Variants in DYNC2H1 observed in about 807,000 individuals in gnomAD.
DYNC2H1 encodes the protein dynein cytoplasmic 2 heavy chain 1, also known as cytoplasmic dynein 2 heavy chain 1.
Under a neutral mutation model 570.0 loss-of-function variants are expected in DYNC2H1, and 410 were observed. The ratio of observed to expected loss-of-function variants is 0.72; its 90% CI spans 0.66 to 0.78. The LOEUF is 0.78. DYNC2H1 is among the 30% of genes least tolerant of loss of function. The probability of loss-of-function intolerance (pLI) is 0.00; values close to 1 mark genes in which losing one functional copy is unlikely to be tolerated. For synonymous variants in DYNC2H1, 1,688 were observed against 1,677.6 expected, an observed-to-expected ratio of 1.01 and a Z score of -0.15; for missense variants, 4,865 against 5,046.4, an observed-to-expected ratio of 0.96 and a Z score of 1.09.
intron 59 of DYNC2H1, among the ~76,000 whole-genome samples, chr11:103,225,159 T>A (rs1863754224): frequency 6.6e-6 from 1 of 152,094 alleles, no homozygotes; most frequent in African/African-American, 2.4e-5. Flanking sequence ...TAGTCCTTTG[T>A]TGGATGTATA....
intron 75 of DYNC2H1, among the ~76,000 whole-genome samples, chr11:103,295,756 A>C (rs571338750): frequency 2.2e-4 from 34 of 152,280 alleles, no homozygotes; most frequent in Middle Eastern, 3.4e-3. Context: ...AATTTGATTA[A>C]CTGCCTTTGT....
chr11:103,309,382 A>C (rs1867466435), intron 78 of DYNC2H1, among the ~76,000 whole-genome samples: 1 of 146,900 alleles, frequency 6.8e-6, no homozygotes, highest in Non-Finnish European at 1.5e-5. Flanking sequence ...TTTTTGAGAG[A>C]CGAGGCCTAA....
chr11:103,289,408 A>G lies in DYNC2H1; in HGVS notation c.11095+1803A>G, dbSNP rs1866499392. Among the ~76,000 whole-genome samples, 1 of 152,240 alleles carries G rather than the reference A, an allele frequency of 6.6e-6. No homozygotes were observed. Among genetic ancestry groups the G allele is most frequent in the Non-Finnish European group, 1.5e-5 (1 of 68,048 alleles). The stretch of plus-strand genomic sequence containing the variant: ...ATGCAGGAATGAACAAGGTCAGCTT[A>G]AAGGCTAGAAGCAAGATGGAGTCGG... On this transcript the variant is annotated intron_variant, in intron 75 of 88. Transcript: ENST00000375735. This position sits in a 1 kb window ranked among gnomAD's most constrained non-coding sequence, Gnocchi z 4.2.
chr11:103,472,842 G>A lies in DYNC2H1; in HGVS notation c.12765+4137G>A, dbSNP rs1945430398. 6.6e-6 allele frequency among the ~76,000 whole-genome samples: 1 copy of A among 151,984 alleles called. No homozygotes were observed. Among genetic ancestry groups the A allele is most frequent in the African/African-American group, 2.4e-5 (1 of 41,364 alleles). ...AAACTTTTTTTTTACACCAGAAGGA[G>A]GTTATTTCACAAATTATTTTCACAA... On this transcript the variant is annotated intron_variant, in intron 88 of 88. Coordinates refer to ENST00000375735, the MANE Select transcript of DYNC2H1 (RefSeq NM_001377.3). The surrounding 1 kb of genome is among the most constrained non-coding windows in gnomAD (Gnocchi z 4.1).
At chr11:103,226,680 G>C (rs1212521054) in intron 59 of DYNC2H1, among the ~76,000 whole-genome samples, 1 of 151,978 alleles carries the variant, frequency 6.6e-6, no homozygotes, top group East Asian at 1.9e-4. Flanking sequence ...TTCTTATTTT[G>C]TTATGTCCTT....
Position 103,399,888 on chromosome 11 carries a change from CTG to C in DYNC2H1, c.12366+18_12366+19del, listed in dbSNP as rs1942567164. The C allele has an allele frequency of 6.3e-7, 1 of 1,593,458 alleles. No individual in the cohort carries two copies. The highest frequency in any genetic ancestry group is 8.6e-7 in the Non-Finnish European group (1 of 1,163,272). ...AAACCAAAAGGTAAGCGAGTACTAACTGTATGTATTTTTATTTCATTGTTATA... is the reference window on the plus strand; with the variant it reads ...AAACCAAAAGGTAAGCGAGTACTAACTATGTATTTTTATTTCATTGTTATA... On this transcript the variant is annotated intron_variant, in intron 84 of 88. Transcript: ENST00000375735.
rs777249058 is a variant in DYNC2H1, at chr11:103,220,650, G to A, written c.8974G>A (p.Val2992Ile). 2.5e-6 allele frequency: 4 copies of A among 1,610,664 alleles called. No homozygotes were observed. The South Asian group carries it at 4.4e-5, about 18-fold the overall frequency. The change falls in exon 57 of 89, where the codon GTT becomes ATT. Residue 2992 changes from valine (V) to isoleucine (I), a missense_variant. By Grantham distance (29) the Val-to-Ile change is conservative (BLOSUM62 3). Transcript: ENST00000375735. ...QPLVNEAKLAVGNIKPESLSE... is the reference protein window; with the variant it reads ...QPLVNEAKLAIGNIKPESLSE... The stretch of plus-strand genomic sequence containing the variant: ...TTTAGTCAATGAAGCTAAACTAGCA[G>A]TTGGAAACATTAAGCCCGAATCACT...
At chr11:103,386,493 GCTTT>G (rs1327999898) in intron 83 of DYNC2H1, among the ~76,000 whole-genome samples, 3 of 151,236 alleles carry the variant, frequency 2.0e-5, no homozygotes, top group Non-Finnish European at 4.4e-5. Flanking sequence ...TATCTTATTG[GCTTT>G]CTTTTTTTTA....
At chr11:103,250,966 A>G (rs1035965066) in intron 65 of DYNC2H1, among the ~76,000 whole-genome samples, 1 of 151,974 alleles carries the variant, frequency 6.6e-6, no homozygotes, top group African/African-American at 2.4e-5. Flanking sequence ...GTTATTTTTT[A>G]TAAATGTTCT....
Position 103,243,827 on chromosome 11 carries a change from A to G in DYNC2H1, c.9918+36A>G. ...TTTATAATTTACATACCAATTAGGA[A>G]TGACCTCTTATAGTGAAAAGATCTT... On this transcript the variant is annotated intron_variant, in intron 64 of 88. Transcript: ENST00000375735. This position sits in a 1 kb window ranked among gnomAD's most constrained non-coding sequence, Gnocchi z 4.8. The G allele has an allele frequency of 1.4e-6, 2 of 1,459,162 alleles. No homozygotes were observed. Among genetic ancestry groups the G allele is most frequent in the East Asian group, 2.5e-5 (1 of 40,554 alleles). 90.4% of individuals were successfully genotyped at this position (1,459,162 alleles called of 1,614,324 possible).
rs140380392 is a variant in DYNC2H1, at chr11:103,239,642, AGTGTGTGTGTGTGTGT to A, written c.9819+3124_9819+3139del. Among the ~76,000 whole-genome samples, 55 of 140,102 alleles carry A rather than the reference AGTGTGTGTGTGTGTGT, an allele frequency of 3.9e-4. No homozygotes were observed. Among genetic ancestry groups the A allele is most frequent in the African/African-American group, 1.4e-3 (53 of 37,890 alleles). The allele number at this position is 140,102 out of a possible 152,430, so 91.9% of individuals were successfully genotyped here. The stretch of plus-strand genomic sequence containing the variant: ...CTCCTGTCTATACACTTCTCATAGG[AGTGTGTGTGTGTGTGT>A]GTGTGTGTGTGTGTGTGTGTAACCT... On this transcript the variant is annotated intron_variant, in intron 63 of 88. Coordinates refer to ENST00000375735, the MANE Select transcript of DYNC2H1 (RefSeq NM_001377.3). The surrounding 1 kb of genome is among the most constrained non-coding windows in gnomAD (Gnocchi z 4.3).
In DYNC2H1 at chr11:103,228,323, G is replaced by A. The variant is rs1008737808; in HGVS notation, c.9354-2937G>A. On this transcript the variant is annotated intron_variant, in intron 59 of 88. Coordinates refer to ENST00000375735, the MANE Select transcript of DYNC2H1 (RefSeq NM_001377.3). This position sits in a 1 kb window ranked among gnomAD's most constrained non-coding sequence, Gnocchi z 6.1. Reference sequence around the variant, plus strand: ...CTTCTCATTTGGGTAGACTATGTCAGAGGGAAGATCTGGGATTCAAGTGCA... The same window carrying A: ...CTTCTCATTTGGGTAGACTATGTCAAAGGGAAGATCTGGGATTCAAGTGCA... Among the ~76,000 whole-genome samples, 4 of 152,218 alleles carry A rather than the reference G, an allele frequency of 2.6e-5. No individual in the cohort carries two copies. Among genetic ancestry groups the A allele is most frequent in the African/African-American group, 9.6e-5 (4 of 41,458 alleles).
chr11:103,174,055 G>T lies in DYNC2H1; in HGVS notation c.5559G>T (p.Arg1853Ser). The change falls in exon 36 of 89, where the codon AGG becomes AGT. Residue 1853 changes from arginine (R) to serine (S), a missense_variant and splice_region_variant. Physicochemically the swap from Arg to Ser is moderately radical, Grantham distance 110. Transcript: ENST00000375735. The stretch of plus-strand genomic sequence containing the variant: ...GTTGATTTCCATGTCTCTATTTCAG[G>T]GAACTTTTGACACCTCAGCAACATT... Reference protein sequence around the residue: ...RKLVAIFNLSRELLTPQQHYD... With the variant: ...RKLVAIFNLSSELLTPQQHYD... 6.3e-7 allele frequency: 1 copy of T among 1,575,398 alleles called. No individual in the cohort carries two copies. Among genetic ancestry groups the T allele is most frequent in the East Asian group, 2.3e-5 (1 of 43,484 alleles).
chr11:103,478,655 A>G (rs1945644902), intron 88 of DYNC2H1, among the ~76,000 whole-genome samples: 3 of 152,242 alleles, frequency 2.0e-5, no homozygotes, highest in Admixed American at 2.0e-4. Context: ...TTACAGATTT[A>G]GGAGACTTAA....
Position 103,254,825 on chromosome 11 carries a change from G to A in DYNC2H1, c.10207-590G>A, listed in dbSNP as rs1864982931. 6.6e-6 allele frequency among the ~76,000 whole-genome samples: 1 copy of A among 152,040 alleles called. No individual in the cohort carries two copies. Among genetic ancestry groups the A allele is most frequent in the Admixed American group, 6.6e-5 (1 of 15,256 alleles). ...CTGGCACTGTTGCCCAGGCTGGAGT[G>A]CAATGGCGCAATCTCGGCTCACTGT... On this transcript the variant is annotated intron_variant, in intron 66 of 88. Coordinates refer to ENST00000375735, the MANE Select transcript of DYNC2H1 (RefSeq NM_001377.3). This position sits in a 1 kb window ranked among gnomAD's most constrained non-coding sequence, Gnocchi z 4.9.
At chr11:103,339,626 T>TG (rs934944735) in intron 82 of DYNC2H1, among the ~76,000 whole-genome samples, 1 of 145,848 alleles carries the variant, frequency 6.9e-6, no homozygotes, top group Non-Finnish European at 1.5e-5. Flanking sequence ...CTGCGTTGCC[T>TG]GGAGTTGGGG....
intron 59 of DYNC2H1, 66 bp downstream of exon 59, chr11:103,223,152 AATT>A: frequency 2.2e-6 from 3 of 1,377,184 alleles, no homozygotes; most frequent in South Asian, 1.7e-5. Context: ...AGGTTTTAAT[AATT>A]ATTATTTTTA....
At position 103,109,491 on chromosome 11, in the gene DYNC2H1, A is replaced by T; in HGVS notation, c.-84A>T. ...GCGGTCGGGCTACGGGTTTGAGCAA[A>T]GCTCCTCTCTTCCCTTCACTTCCCT... On this transcript the variant is annotated 5_prime_UTR_variant, in exon 1 of 89. In the 5' UTR this introduces an upstream ATG that the reference lacks. Transcript: ENST00000375735. 7.5e-7 allele frequency: 1 copy of T among 1,337,388 alleles called. No individual in the cohort carries two copies. Among genetic ancestry groups the T allele is most frequent in the Non-Finnish European group, 1.0e-6 (1 of 972,842 alleles). 82.8% of individuals were successfully genotyped at this position (1,337,388 alleles called of 1,614,324 possible).
intron 84 of DYNC2H1, among the ~76,000 whole-genome samples, chr11:103,416,122 G>T (rs1943271623): frequency 6.6e-6 from 1 of 152,136 alleles, no homozygotes; most frequent in Non-Finnish European, 1.5e-5. Context: ...GACACAGGAA[G>T]GGAACCATCA....
Sources: allele counts gnomAD v4.1 joint callset (sites outside exome capture counted in the v4.1 genomes callset), GRCh38; gene constraint gnomAD v4.1.1; non-coding constraint Gnocchi (gnomAD v3.1); transcripts MANE v1.5; gene names NCBI Gene and HGNC (gene_info 2026-07-23, HGNC 2026-07-21).